FAM219A: variants seen among roughly 807,000 people sequenced by gnomAD.
FAM219A encodes the protein family with sequence similarity 219 member A, also known as protein FAM219A.
Under a neutral mutation model 23.4 loss-of-function variants are expected in FAM219A, and 7 were observed. The ratio of observed to expected loss-of-function variants is 0.30; its 90% confidence interval spans 0.17 to 0.56. FAM219A has a LOEUF of 0.56. Ranked by LOEUF, FAM219A falls within the 20% of genes least tolerant of loss-of-function variation. FAM219A has a pLI of 0.92. For synonymous variants in FAM219A, 93 were observed against 99.0 expected, an observed-to-expected ratio of 0.94 and a Z score of 0.36; for missense variants, 166 against 246.9, an observed-to-expected ratio of 0.67 and a Z score of 2.20.
At chr9:34,438,884 T>G (rs1469313664) in intron 1 of FAM219A, among the ~76,000 whole-genome samples, 1 of 152,230 alleles carries the variant, frequency 6.6e-6, no homozygotes, top group East Asian at 1.9e-4. Flanking sequence ...CTGTGGAAGC[T>G]TTGTTCTTTT....
intron 1 of FAM219A, among the ~76,000 whole-genome samples, chr9:34,413,771 G>A (rs962357008): frequency 1.3e-5 from 2 of 152,218 alleles, no homozygotes; most frequent in Non-Finnish European, 2.9e-5. Context: ...AATAGCAGGA[G>A]GCAGGATAGA....
intron 4 of FAM219A, 143 bp from the exon 5 acceptor site, chr9:34,401,863 T>C: frequency 1.1e-6 from 1 of 932,238 alleles, no homozygotes; most frequent in Non-Finnish European, 1.6e-6. Context: ...GTGCTTGCTG[T>C]GCAAATGCAG....
intron 2 of FAM219A, among the ~76,000 whole-genome samples, chr9:34,404,002 T>C (rs1163856819): frequency 6.6e-6 from 1 of 152,226 alleles, no homozygotes; most frequent in Admixed American, 6.5e-5. Context: ...TGCCTTAAAG[T>C]TCCTGGTGGT....
rs549669549 is a variant in FAM219A at position 34,445,747 on chromosome 9, G to A, written c.60+12457C>T. On this transcript the variant is annotated intron_variant, in intron 1 of 5. Coordinates refer to ENST00000651358, the MANE Select transcript of FAM219A (RefSeq NM_001184940.2). Reference sequence around the variant, plus strand: ...ATCTAGGCCACGCCAACCTCCAGCTGGGTAGTGGCTAAGCCTGTTTACCTT... The same window carrying A: ...ATCTAGGCCACGCCAACCTCCAGCTAGGTAGTGGCTAAGCCTGTTTACCTT... Among the ~76,000 whole-genome samples, 10 of 152,328 alleles carry A rather than the reference G, an allele frequency of 6.6e-5. No individual in the cohort carries two copies. In the South Asian group the frequency reaches 1.7e-3, roughly 25 times the overall value.
intron 1 of FAM219A, among the ~76,000 whole-genome samples, chr9:34,450,539 C>T (rs1036356020): frequency 6.6e-6 from 1 of 152,030 alleles, no homozygotes; most frequent in African/African-American, 2.4e-5. Flanking sequence ...CTGCCTCAGC[C>T]TCCCGAGTAG....
rs191209432 is a variant in FAM219A, at chr9:34,400,433, A to G, written c.*531T>C. The G allele has an allele frequency of 5.0e-4, 76 of 152,736 alleles. No individual in the cohort carries two copies. The highest frequency in any genetic ancestry group is 8.0e-4 in the Non-Finnish European group (55 of 68,328). The allele number at this position is 152,736 out of a possible 1,614,324, so 9.5% of individuals were successfully genotyped here. ...GCTTTGCCAGGCTTCCCATCTGAGG[A>G]GGGGGAAATGCAAATAGAAACATGG... On this transcript the variant is annotated 3_prime_UTR_variant, in exon 6 of 6. Coordinates refer to ENST00000651358, the MANE Select transcript of FAM219A (RefSeq NM_001184940.2).
At chr9:34,452,998 T>TA (rs908920174) in intron 1 of FAM219A, among the ~76,000 whole-genome samples, 24 of 152,174 alleles carry the variant, frequency 1.6e-4, no homozygotes, top group African/African-American at 5.8e-4. Flanking sequence ...AATAGGTTCT[T>TA]ACTTGGTGTT....
chr9:34,421,041 A>AGAGAGG (rs1243922689), intron 1 of FAM219A, among the ~76,000 whole-genome samples: 2 of 150,200 alleles, frequency 1.3e-5, no homozygotes, highest in African/African-American at 4.9e-5. Flanking sequence ...AGAGAGAGAG[A>AGAGAGG]GAGAATGGCT....
intron 4 of FAM219A, chr9:34,402,161 G>T: frequency 6.8e-7 from 1 of 1,469,296 alleles, no homozygotes; most frequent in Non-Finnish European, 9.0e-7. Context: ...GTTGTCCCAG[G>T]ATGACAGCAG....
At chr9:34,401,386 A>G (rs1306867610) in intron 5 of FAM219A, among the ~76,000 whole-genome samples, 1 of 152,124 alleles carries the variant, frequency 6.6e-6, no homozygotes, top group South Asian at 2.1e-4. Flanking sequence ...TTTTGCCCCT[A>G]TCTCAGGCCG....
In FAM219A at chr9:34,402,444, T is replaced by C; in HGVS notation, c.287A>G (p.Tyr96Cys). ...ATCAGGGCTCTGGTCAAGTGAGGAGTAGCCTTTATTGGGGACGACCAGCCT... is the reference window on the plus strand; with the variant it reads ...ATCAGGGCTCTGGTCAAGTGAGGAGCAGCCTTTATTGGGGACGACCAGCCT... The part of the protein sequence containing the change: ...RTRLVVPNKG[Y>C]SSLDQSPDEK... The change falls in exon 4 of 6, where the codon TAC becomes TGC. Residue 96 changes from tyrosine (Y) to cysteine (C), a missense_variant. Physicochemically the swap from Tyr to Cys is radical, Grantham distance 194 (BLOSUM62 -2). This residue lies in a region of FAM219A where 72 missense variants were observed against 131.0 expected (regional missense o/e 0.55). Transcript: ENST00000651358. 1 of 1,613,612 alleles carries C rather than the reference T, an allele frequency of 6.2e-7. No homozygotes were observed. Among genetic ancestry groups the C allele is most frequent in the Non-Finnish European group, 8.5e-7 (1 of 1,179,902 alleles).
At chr9:34,440,095 G>A (rs1823110013) in intron 1 of FAM219A, among the ~76,000 whole-genome samples, 1 of 152,178 alleles carries the variant, frequency 6.6e-6, no homozygotes, top group South Asian at 2.1e-4. Context: ...AGTGTGGGCA[G>A]GGTATCCAAG....
intron 1 of FAM219A, among the ~76,000 whole-genome samples, chr9:34,455,321 G>C (rs899741141): frequency 6.6e-6 from 1 of 152,082 alleles, no homozygotes; most frequent in Non-Finnish European, 1.5e-5. Context: ...AGACTTCCTA[G>C]AGGTCTCAAT....
chr9:34,410,020 G>A (rs1192230294), intron 1 of FAM219A, among the ~76,000 whole-genome samples: 1 of 152,206 alleles, frequency 6.6e-6, no homozygotes, highest in African/African-American at 2.4e-5. Flanking sequence ...TTAAAAATGA[G>A]GAAACCTGGG....
At chr9:34,455,995 C>T (rs76169390) in intron 1 of FAM219A, among the ~76,000 whole-genome samples, 151 of 152,274 alleles carry the variant, frequency 9.9e-4, no homozygotes, top group Non-Finnish European at 1.8e-3. Flanking sequence ...GCATTCAAGA[C>T]CAGCCTGGCC....
At chr9:34,440,665 A>G (rs1383753843) in intron 1 of FAM219A, among the ~76,000 whole-genome samples, 1 of 151,928 alleles carries the variant, frequency 6.6e-6, no homozygotes, top group Non-Finnish European at 1.5e-5. Context: ...CCTGGCTAAC[A>G]CGGTGAAACC....
chr9:34,420,532 G>A (rs941567996), intron 1 of FAM219A, among the ~76,000 whole-genome samples: 1 of 152,162 alleles, frequency 6.6e-6, no homozygotes, highest in Non-Finnish European at 1.5e-5. Context: ...ACCTCATTTT[G>A]GGGGGTCATT....
At chr9:34,433,282 G>A (rs1822781977) in intron 1 of FAM219A, among the ~76,000 whole-genome samples, 1 of 152,136 alleles carries the variant, frequency 6.6e-6, no homozygotes, top group Admixed American at 6.5e-5. Context: ...TAACCTCCCT[G>A]TGGGCTCATT....
intron 1 of FAM219A, among the ~76,000 whole-genome samples, chr9:34,430,682 A>T (rs1822661306): frequency 6.6e-6 from 1 of 151,008 alleles, no homozygotes; most frequent in Admixed American, 6.6e-5. Context: ...AAACAACAAC[A>T]ACAAAAAACA....
Sources: gnomAD v4.1 joint callset for allele counts (sites outside exome capture counted in the v4.1 genomes callset) on GRCh38, gnomAD v4.1.1 for gene constraint, gnomAD v4.1.1 regional missense constraint, MANE v1.5 for transcripts, NCBI Gene and HGNC (gene_info 2026-07-23, HGNC 2026-07-21) for gene names.